Variants in MGAT4C observed in about 807,000 individuals in gnomAD.
The protein encoded by MGAT4C is MGAT4 family member C.
Under a neutral mutation model 40.1 loss-of-function variants are expected in MGAT4C, and 19 were observed. The observed-to-expected ratio is 0.47, with a 90% CI of 0.33 to 0.70. The LOEUF is 0.70. Among genes scored for constraint, MGAT4C ranks in the 30% least tolerant of loss-of-function variants. MGAT4C has a pLI of 0.02. For synonymous variants in MGAT4C, 181 were observed against 187.1 expected, an observed-to-expected ratio of 0.97 and a Z score of 0.27; for missense variants, 491 against 563.2, an observed-to-expected ratio of 0.87 and a Z score of 1.30.
intron 2 of MGAT4C, among the ~76,000 whole-genome samples, chr12:86,481,389 G>A (rs1430389446): frequency 6.6e-6 from 1 of 151,994 alleles, no homozygotes; most frequent in African/African-American, 2.4e-5. Flanking sequence ...TTAGCAGTGT[G>A]CATTGACACA....
Position 86,161,465 on chromosome 12 carries a change from T to C in MGAT4C, c.-57+94774A>G, listed in dbSNP as rs562345579. Among the ~76,000 whole-genome samples, 282 of 152,280 alleles carry C rather than the reference T, an allele frequency of 1.9e-3. 1 individual carries two copies. Among genetic ancestry groups the C allele is most frequent in the African/African-American group, 6.4e-3 (264 of 41,572 alleles). On this transcript the variant is annotated intron_variant, in intron 1 of 4. Coordinates refer to ENST00000611864, the MANE Select transcript of MGAT4C (RefSeq NM_001351288.2). ...AACTGGCTAGCCATATGCAGAAGAT[T>C]GAAGCTGGACCCTACCTTTCACCAT... is the stretch of plus-strand genomic sequence containing the variant.
chr12:86,235,838 T>A (rs1490001806), intron 1 of MGAT4C, among the ~76,000 whole-genome samples: 1 of 152,048 alleles, frequency 6.6e-6, no homozygotes, highest in Non-Finnish European at 1.5e-5. Flanking sequence ...ATTGTTATTG[T>A]CCTTAGAGTT....
At chr12:86,465,389 A>C (rs1288325218) in intron 2 of MGAT4C, among the ~76,000 whole-genome samples, 5 of 152,136 alleles carry the variant, frequency 3.3e-5, no homozygotes, top group African/African-American at 1.2e-4. Context: ...GACTTCACTA[A>C]AATTAAAACT....
At chr12:86,598,186 T>G (rs1195255528) in intron 2 of MGAT4C, among the ~76,000 whole-genome samples, 3 of 152,190 alleles carry the variant, frequency 2.0e-5, no homozygotes, top group Non-Finnish European at 4.4e-5. Context: ...AAAACTATTT[T>G]CTTTAAAGAT....
intron 3 of MGAT4C, among the ~76,000 whole-genome samples, chr12:86,415,298 A>G (rs1956686488): frequency 6.6e-6 from 1 of 152,026 alleles, no homozygotes; most frequent in African/African-American, 2.4e-5. Context: ...ATAAGACTTT[A>G]TTTCCTCAAC....
chr12:86,271,511 A>T (rs950035126), intron 4 of MGAT4C, among the ~76,000 whole-genome samples: 2 of 152,194 alleles, frequency 1.3e-5, no homozygotes, highest in Non-Finnish European at 2.9e-5. Context: ...TAAAAAGACA[A>T]CAGATGTTGA....
chr12:86,427,910 C>T (rs1956960234), intron 3 of MGAT4C, among the ~76,000 whole-genome samples: 1 of 151,936 alleles, frequency 6.6e-6, no homozygotes, highest in Non-Finnish European at 1.5e-5. Context: ...GTTCCAGCTA[C>T]TCGGGAGGCT....
At chr12:86,746,983 T>TA (rs1429562820) in intron 1 of MGAT4C, among the ~76,000 whole-genome samples, 1 of 151,650 alleles carries the variant, frequency 6.6e-6, no homozygotes, top group Non-Finnish European at 1.5e-5. Context: ...TCCTCTGATG[T>TA]ACTTACCAGG....
At chr12:86,094,854 C>T (rs1873602300) in intron 1 of MGAT4C, among the ~76,000 whole-genome samples, 1 of 152,044 alleles carries the variant, frequency 6.6e-6, no homozygotes, top group South Asian at 2.1e-4. Context: ...TTCTAACTTT[C>T]CTTGTACATT....
intron 2 of MGAT4C, among the ~76,000 whole-genome samples, chr12:86,023,253 C>G (rs1334940434): frequency 1.3e-5 from 2 of 151,916 alleles, no homozygotes; most frequent in African/African-American, 4.8e-5. Flanking sequence ...TTTGCAGAGG[C>G]AAAGTCAATT....
intron 2 of MGAT4C, among the ~76,000 whole-genome samples, chr12:86,709,207 C>T (rs1179285910): frequency 6.6e-6 from 1 of 152,078 alleles, no homozygotes; most frequent in Non-Finnish European, 1.5e-5. Flanking sequence ...AGGGAAGTTT[C>T]CCTGCACAAG....
chr12:86,245,006 G>T lies in MGAT4C; in HGVS notation c.-57+11233C>A, dbSNP rs116867554. Among the ~76,000 whole-genome samples, 26 of 152,286 alleles carry T rather than the reference G, an allele frequency of 1.7e-4. No individual in the cohort carries two copies. The East Asian group carries it at 4.2e-3, about 25-fold the overall frequency. ...ACTGATGAGGCAACTGGGGCACAGAGAAGTTAAATTCTCTGCTCATAGTCA... is the reference window on the plus strand; with the variant it reads ...ACTGATGAGGCAACTGGGGCACAGATAAGTTAAATTCTCTGCTCATAGTCA... On this transcript the variant is annotated intron_variant, in intron 1 of 4. Transcript: ENST00000611864.
At chr12:86,489,598 C>T (rs968238256) in intron 2 of MGAT4C, among the ~76,000 whole-genome samples, 6 of 152,194 alleles carry the variant, frequency 3.9e-5, no homozygotes, top group Non-Finnish European at 7.3e-5. Context: ...GGCACCCTGA[C>T]CTGGATGCTA....
At chr12:86,469,833 A>G (rs969972117) in intron 2 of MGAT4C, among the ~76,000 whole-genome samples, 9 of 152,156 alleles carry the variant, frequency 5.9e-5, no homozygotes, top group African/African-American at 2.2e-4. Flanking sequence ...CAGATGACCA[A>G]AATGATGATC....
chr12:86,506,848 C>T (rs1293139434), intron 2 of MGAT4C, among the ~76,000 whole-genome samples: 3 of 152,072 alleles, frequency 2.0e-5, no homozygotes, highest in Non-Finnish European at 2.9e-5. Context: ...TAGATGAAGG[C>T]AGAAAGAAGG....
chr12:86,384,525 TAAAG>T (rs1300543327), intron 3 of MGAT4C, among the ~76,000 whole-genome samples: 1 of 152,222 alleles, frequency 6.6e-6, no homozygotes, highest in Non-Finnish European at 1.5e-5. Context: ...ATGTGAGACT[TAAAG>T]AAGATAAAAT....
rs1341681828 is a variant in MGAT4C, at chr12:86,758,710, T to A, written c.-261-31469A>T. ...CAAAAAAGTTGAATTATATTAAAATTTATATATGGTGGTTATTTTGTTATG... is the reference window on the plus strand; with the variant it reads ...CAAAAAAGTTGAATTATATTAAAATATATATATGGTGGTTATTTTGTTATG... On this transcript the variant is annotated intron_variant, in intron 1 of 7. Transcript: ENST00000548651. Among the ~76,000 whole-genome samples the A allele has an allele frequency of 3.3e-5, 5 of 151,996 alleles. No individual in the cohort carries two copies. In the East Asian group the frequency reaches 9.6e-4, roughly 29 times the overall value.
intron 4 of MGAT4C, among the ~76,000 whole-genome samples, chr12:86,279,868 A>C (rs539249157): frequency 1.3e-5 from 2 of 151,544 alleles, no homozygotes; most frequent in Non-Finnish European, 2.9e-5. Flanking sequence ...GAAATTTTTC[A>C]ATTTTCTTAG....
At chr12:86,362,473 A>G (rs1050381151) in intron 3 of MGAT4C, among the ~76,000 whole-genome samples, 1 of 102,022 alleles carries the variant, frequency 9.8e-6, no homozygotes, top group African/African-American at 3.1e-5. Context: ...GTACCCTAGA[A>G]CTTAAGGTAT....
Sources: gnomAD v4.1 joint callset for allele counts (sites outside exome capture counted in the v4.1 genomes callset) on GRCh38, gnomAD v4.1.1 for gene constraint, MANE v1.5 for transcripts, NCBI Gene and HGNC (gene_info 2026-07-23, HGNC 2026-07-21) for gene names.